Variants in UGT3A1 observed in about 807,000 individuals in gnomAD.
The protein encoded by UGT3A1 is UDP glycosyltransferase family 3 member A1.
Under a neutral mutation model 37.6 loss-of-function variants are expected in UGT3A1, and 40 were observed. The ratio of observed to expected loss-of-function variants is 1.06; its 90% confidence interval spans 0.83 to 1.38. UGT3A1 has a LOEUF of 1.38. Ranked by LOEUF, UGT3A1 falls within the 40% of genes most tolerant of loss-of-function variation. UGT3A1 has a pLI of 0.00. For missense variants in UGT3A1, 642 were observed against 634.2 expected (o/e 1.01, Z -0.13); for synonymous variants, 256 against 232.3 (o/e 1.10, Z -0.93).
chr5:35,966,944 TA>T (rs1031701483), intron 3 of UGT3A1, among the ~76,000 whole-genome samples: 4 of 152,104 alleles, frequency 2.6e-5, no homozygotes, highest in Admixed American at 6.5e-5. Flanking sequence ...TTTCATTTTT[TA>T]AAAAAAATTT....
chr5:35,991,020 A>G, intron 1 of UGT3A1, 127 bp downstream of exon 1: 2 of 1,599,910 alleles, frequency 1.3e-6, no homozygotes, highest in Non-Finnish European at 1.7e-6. Context: ...TCCCTCCTCC[A>G]GCCAGGTCCG....
chr5:35,970,206 C>T (rs771164665), intron 2 of UGT3A1, among the ~76,000 whole-genome samples: 27 of 151,950 alleles, frequency 1.8e-4, no homozygotes, highest in African/African-American at 4.6e-4. Context: ...CTGGCTAATA[C>T]GGTGAAACCC....
Position 35,954,226 on chromosome 5 carries a change from C to T in UGT3A1, c.1548G>A (p.Gly516=). The T allele has an allele frequency of 6.2e-7, 1 of 1,614,100 alleles. No individual in the cohort carries two copies. Among genetic ancestry groups the T allele is most frequent in the South Asian group, 1.1e-5 (1 of 91,076 alleles). The change falls in exon 7 of 7, where the codon GGG becomes GGA. Residue 516 remains glycine (G), a synonymous_variant. Transcript: ENST00000274278. ...LLGVVARWLR[G]ARKVKKT is the part of the protein sequence containing the mutation. The stretch of plus-strand genomic sequence containing the variant: ...CTCATGTCTTCTTCACCTTCCTGGC[C>T]CCACGCAGCCACCTGGCCACCACAC...
intron 2 of UGT3A1, among the ~76,000 whole-genome samples, chr5:35,977,624 C>T (rs1740344583): frequency 6.6e-6 from 1 of 152,206 alleles, no homozygotes; most frequent in Non-Finnish European, 1.5e-5. Context: ...CTTCCTGAGG[C>T]CTCACCAGAA....
chr5:35,954,660 T>A (rs868084893), intron 6 of UGT3A1, among the ~76,000 whole-genome samples, 182 bp from the exon 7 acceptor site: 2 of 152,212 alleles, frequency 1.3e-5, no homozygotes, highest in Middle Eastern at 3.2e-3. Context: ...TCTTGAAAAG[T>A]TCAATAAAAA....
At chr5:35,990,805 C>T (rs1211207825) in intron 1 of UGT3A1, among the ~76,000 whole-genome samples, 5 of 152,164 alleles carry the variant, frequency 3.3e-5, no homozygotes, top group Admixed American at 6.5e-5. Context: ...TAGGGTGAGC[C>T]TCTGAAAGTC....
At chr5:36,000,640 A>T (rs1233175245) in intron 1 of UGT3A1, among the ~76,000 whole-genome samples, 2 of 152,212 alleles carry the variant, frequency 1.3e-5, no homozygotes. Flanking sequence ...AAAGCAGATG[A>T]CAGCTGTTGT....
intron 2 of UGT3A1, among the ~76,000 whole-genome samples, chr5:35,977,837 G>C (rs1475940610): frequency 1.3e-5 from 2 of 152,046 alleles, no homozygotes; most frequent in Admixed American, 1.3e-4. Flanking sequence ...AAATTTAAAA[G>C]ATACAAACTA....
Position 35,957,170 on chromosome 5 carries a change from G to A in UGT3A1, c.1075+18C>T, listed in dbSNP as rs780899830. 3.1e-6 allele frequency: 5 copies of A among 1,607,152 alleles called. No homozygotes were observed. Among genetic ancestry groups the A allele is most frequent in the Non-Finnish European group, 3.4e-6 (4 of 1,174,300 alleles). ...GCAGGTCAATGGAAAGAGAAGAGCA[G>A]ACCTAAGCAGTCCTTACCCAGGAGG... On this transcript the variant is annotated intron_variant, in intron 5 of 6. Coordinates refer to ENST00000274278, the MANE Select transcript of UGT3A1 (RefSeq NM_152404.4).
chr5:35,964,954 A>C (rs1424379836), intron 4 of UGT3A1, among the ~76,000 whole-genome samples: 1 of 152,210 alleles, frequency 6.6e-6, no homozygotes. Context: ...TCTTGCTGTC[A>C]GTCCCATGCA....
chr5:35,981,408 G>A (rs994163967), intron 2 of UGT3A1, among the ~76,000 whole-genome samples: 9 of 152,154 alleles, frequency 5.9e-5, no homozygotes, highest in Non-Finnish European at 1.0e-4. Flanking sequence ...CCAGGCTGAG[G>A]TGGTCTCAGA....
chr5:35,993,262 A>G (rs553821810), upstream of UGT3A1, among the ~76,000 whole-genome samples: 109 of 152,184 alleles, frequency 7.2e-4, no homozygotes, highest in African/African-American at 2.4e-3. Flanking sequence ...TCAGGAGATT[A>G]AGACCATCCT....
Position 35,965,870 on chromosome 5 carries a change from T to C in UGT3A1, c.359A>G (p.Gln120Arg), listed in dbSNP as rs1739790337. Residue 120 changes from glutamine (Q) to arginine (R), a missense_variant, in exon 4 of 7, where the codon CAA becomes CGA. Gln to Arg is a conservative substitution (Grantham distance 43, BLOSUM62 1). Coordinates refer to ENST00000274278, the MANE Select transcript of UGT3A1 (RefSeq NM_152404.4). ...CTTTCTGCTTAGCAAATAACTACAT[T>C]GAGTCCCAAATATTTCCATTAGCTT... ...LVKLMEIFGT[Q>R]CSYLLSRKDI... The C allele has an allele frequency of 6.3e-7, 1 of 1,598,062 alleles. No homozygotes were observed. Among genetic ancestry groups the C allele is most frequent in the Non-Finnish European group, 8.5e-7 (1 of 1,173,906 alleles).
chr5:35,988,525 G>A lies in UGT3A1; in HGVS notation c.121C>T (p.Arg41Trp), dbSNP rs201087553. The A allele has an allele frequency of 2.6e-5, 42 of 1,612,632 alleles. No homozygotes were observed. Among genetic ancestry groups the A allele is most frequent in the Non-Finnish European group, 2.5e-5 (29 of 1,179,358 alleles). Residue 41 changes from arginine (R) to tryptophan (W), a missense_variant, in exon 2 of 7, where the codon CGG (arginine) becomes TGG (tryptophan). Physicochemically the swap from Arg to Trp is moderately radical, Grantham distance 101 (BLOSUM62 -3). Transcript: ENST00000274278. ...LGGSHYLLLDRVSQILQEHGH... is the reference protein window; with the variant it reads ...LGGSHYLLLDWVSQILQEHGH... ...TGCTCTTGAAGAATCTGAGACACCCGGTCCAACAGTAGGTAATGGCTTCCA... is the reference window on the plus strand; with the variant it reads ...TGCTCTTGAAGAATCTGAGACACCCAGTCCAACAGTAGGTAATGGCTTCCA...
Position 35,965,580 on chromosome 5 carries a change from T to C in UGT3A1, c.649A>G (p.Met217Val), listed in dbSNP as rs184564491. 6.2e-7 allele frequency: 1 copy of C among 1,614,234 alleles called. No homozygotes were observed. The highest frequency in any genetic ancestry group is 1.3e-5 in the African/African-American group (1 of 75,066). ...FFSFSRSQWD[M>V]QSTFDNTIKE... The stretch of plus-strand genomic sequence containing the variant: ...ATGGTGTTGTCAAATGTAGACTGCA[T>C]GTCCCATTGGCTCCTGGAGAAACTA... Residue 217 changes from methionine (M) to valine (V), a missense_variant, in exon 4 of 7, where the codon ATG (methionine) becomes GTG (valine). By Grantham distance (21) the Met-to-Val change is conservative. Transcript: ENST00000274278.
chr5:35,955,977 T>C (rs1739342101), intron 5 of UGT3A1, 113 bp from the exon 6 acceptor site: 1 of 1,068,952 alleles, frequency 9.4e-7, no homozygotes, highest in Admixed American at 2.2e-5. Flanking sequence ...GTTGAGAAAA[T>C]GAATTCACTG....
At chr5:35,994,270 G>A (rs753602988), upstream of UGT3A1, among the ~76,000 whole-genome samples, 4 of 151,690 alleles carry the variant, frequency 2.6e-5, no homozygotes, top group African/African-American at 4.8e-5. Flanking sequence ...TATAATTTGT[G>A]TCATTATTGT....
intron 2 of UGT3A1, among the ~76,000 whole-genome samples, chr5:35,970,626 C>A (rs1019759942): frequency 2.6e-5 from 4 of 152,090 alleles, no homozygotes; most frequent in African/African-American, 9.7e-5. Flanking sequence ...TCTTAACTAA[C>A]AATTAAAAAA....
upstream of UGT3A1, among the ~76,000 whole-genome samples, chr5:35,996,126 C>T (rs150465860): frequency 1.4e-3 from 217 of 152,142 alleles, 1 homozygote; most frequent in African/African-American, 4.8e-3. Flanking sequence ...ACTTTAAGCT[C>T]TCTCCATCTG....
Sources: allele counts gnomAD v4.1 joint callset (sites outside exome capture counted in the v4.1 genomes callset), GRCh38; gene constraint gnomAD v4.1.1; transcripts MANE v1.5; gene names NCBI Gene and HGNC (gene_info 2026-07-23, HGNC 2026-07-21).